Variants in RIPK4 observed in about 807,000 individuals in gnomAD.
RIPK4 encodes the protein receptor-interacting serine/threonine-protein kinase 4.
RIPK4 carries 17 observed loss-of-function variants against 42.9 expected under a neutral mutation model. The observed-to-expected ratio is 0.40, with a 90% CI of 0.27 to 0.59. The LOEUF (loss-of-function observed/expected upper bound fraction) is 0.59. Ranked by LOEUF, RIPK4 falls within the 20% of genes least tolerant of loss-of-function variation. The pLI, the probability that RIPK4 is intolerant of heterozygous loss-of-function variation, is 0.47. For synonymous variants in RIPK4, 498 were observed against 499.1 expected, an observed-to-expected ratio of 1.00 and a Z score of 0.03; for missense variants, 897 against 1,104.4, an observed-to-expected ratio of 0.81 and a Z score of 2.66.
intron 5 of RIPK4, chr21:41,746,264 G>A: frequency 1.7e-6 from 1 of 579,418 alleles, no homozygotes; most frequent in South Asian, 1.8e-5. Flanking sequence ...AACTCCTCAA[G>A]AGAAGGGCGA....
At chr21:41,765,044 C>T (rs2061231937) in intron 1 of RIPK4, among the ~76,000 whole-genome samples, 1 of 152,350 alleles carries the variant, frequency 6.6e-6, no homozygotes, top group East Asian at 1.9e-4. Context: ...GAAAGCCTCC[C>T]TCCAACCAGG....
In RIPK4 at chr21:41,766,990, C is replaced by A; in HGVS notation, c.52G>T (p.Asp18Tyr). The A allele has an allele frequency of 1.2e-5, 20 of 1,603,620 alleles. No individual in the cohort carries two copies. The highest frequency in any genetic ancestry group is 1.7e-5 in the Non-Finnish European group (20 of 1,176,258). ...PWALALLRTF[D>Y]AGEFTGWEKV... ...TCCCAGCCCGTGAACTCGCCCGCGT[C>A]GAAGGTGCGCAGCAGCGCCAGGGCC... The change falls in exon 1 of 8, where the codon GAC (aspartate) becomes TAC (tyrosine). Residue 18 changes from aspartate to tyrosine, a missense_variant. Physicochemically the swap from Asp to Tyr is radical, Grantham distance 160 (BLOSUM62 -3). Coordinates refer to ENST00000332512, the MANE Select transcript of RIPK4 (RefSeq NM_020639.3).
Position 41,746,620 on chromosome 21 carries a change from G to A in RIPK4, c.825C>T (p.Thr275=), listed in dbSNP as rs559048535. 5 of 1,609,844 alleles carry A rather than the reference G, an allele frequency of 3.1e-6. No individual in the cohort carries two copies. The East Asian group carries it at 8.9e-5, about 29-fold the overall frequency. The change falls in exon 5 of 8, where the codon ACC becomes ACT. Residue 275 remains threonine, a synonymous_variant. Transcript: ENST00000332512. ...CWQGDPRVRP[T]FQEITSETED... is the part of the protein sequence containing the mutation. ...AGACCCCGGGGTGCTCACCTTGGAAGGTGGGCCTAACTCGCGGATCCCCCT... is the reference window on the plus strand; with the variant it reads ...AGACCCCGGGGTGCTCACCTTGGAAAGTGGGCCTAACTCGCGGATCCCCCT...
At chr21:41,746,426 G>A (rs1370619312) in intron 5 of RIPK4, among the ~76,000 whole-genome samples, 187 bp downstream of exon 5, 1 of 152,148 alleles carries the variant, frequency 6.6e-6, no homozygotes, top group Non-Finnish European at 1.5e-5. Context: ...AGCTGCCGTG[G>A]CCGAGCCGTG....
rs1297707035 is a variant in RIPK4, at chr21:41,741,274, G to A, written c.1919C>T (p.Pro640Leu). The change falls in exon 8 of 8, where the codon CCC becomes CTC. Residue 640 changes from proline to leucine, a missense_variant. Coordinates refer to ENST00000332512, the MANE Select transcript of RIPK4 (RefSeq NM_020639.3). ...CCCCGTCTCCGCGGCCACGTGCAGG[G>A]GTGTCTGTGCCAGCAGGCTGCAGAC... is the stretch of plus-strand genomic sequence containing the variant. ...VNVCSLLAQTPLHVAAETGHT... is the reference protein window; with the variant it reads ...VNVCSLLAQTLLHVAAETGHT... The A allele has an allele frequency of 1.2e-6, 2 of 1,608,450 alleles. No homozygotes were observed. Among genetic ancestry groups the A allele is most frequent in the East Asian group, 2.2e-5 (1 of 44,854 alleles).
At position 41,744,077 on chromosome 21, in the gene RIPK4, C is replaced by T. The variant is rs935404461; in HGVS notation, c.1000G>A (p.Glu334Lys). The T allele has an allele frequency of 5.6e-6, 9 of 1,611,752 alleles. No individual in the cohort carries two copies. Among genetic ancestry groups the T allele is most frequent in the East Asian group, 4.5e-5 (2 of 44,852 alleles). ...CCAGAGTCCAGCTGTGAGAGCAGCT[C>T]GGAGAGGCTGTAGTCGTTATCGAAG... ...PTFDNDYSLS[E>K]LLSQLDSGVS... is the part of the protein sequence containing the mutation. Residue 334 changes from glutamate to lysine, a missense_variant, in exon 7 of 8, where the codon GAG becomes AAG. Transcript: ENST00000332512.
chr21:41,751,116 T>A lies in RIPK4; in HGVS notation c.604A>T (p.Thr202Ser), dbSNP rs761381392. The change falls in exon 3 of 8, where the codon ACC becomes TCC. Residue 202 changes from threonine to serine, a missense_variant. Physicochemically the swap from Thr to Ser is moderately conservative, Grantham distance 58. Coordinates refer to ENST00000332512, the MANE Select transcript of RIPK4 (RefSeq NM_020639.3). The surrounding 1 kb of genome is among the most constrained non-coding windows in gnomAD (Gnocchi z 4.5). ...RIREKSRLFD[T>S]KHDVYSFAIV... ...ACACACCTGTATACATCGTGCTTGG[T>A]GTCGAAGAGCCGGCTCTTCTCCCTG... is the stretch of plus-strand genomic sequence containing the variant. 6 of 1,614,080 alleles carry A rather than the reference T, an allele frequency of 3.7e-6. No homozygotes were observed. The highest frequency in any genetic ancestry group is 5.1e-6 in the Non-Finnish European group (6 of 1,180,000).
rs1358942683 is a variant in RIPK4 at position 41,756,440 on chromosome 21, C to T, written c.474+85G>A. The T allele has an allele frequency of 2.7e-6, 4 of 1,508,104 alleles. No individual in the cohort carries two copies. In the Admixed American group the frequency reaches 5.4e-5, roughly 20 times the overall value. 93.4% of individuals were successfully genotyped at this position (1,508,104 alleles called of 1,614,324 possible). A position where few individuals can be genotyped will look rare whatever the true frequency, so the allele number is the denominator to read the frequency against. The stretch of plus-strand genomic sequence containing the variant: ...CCTCCTCTTCTGCCCTTGTCCTGAC[C>T]TCAGGGCTTGACCCCTTGATACCCT... On this transcript the variant is annotated intron_variant, in intron 2 of 7. Transcript: ENST00000332512.
intron 4 of RIPK4, 44 bp from the exon 5 acceptor site, chr21:41,746,815 T>G (rs1204583735): frequency 3.3e-6 from 5 of 1,533,630 alleles, no homozygotes; most frequent in Admixed American, 3.8e-5. Context: ...CAGGGCTGGG[T>G]GGCAGCATCT....
chr21:41,765,273 G>A (rs1471510286), intron 1 of RIPK4, among the ~76,000 whole-genome samples: 1 of 152,198 alleles, frequency 6.6e-6, no homozygotes, highest in Non-Finnish European at 1.5e-5. Flanking sequence ...ACCACTGGCT[G>A]GTATTCAAAG....
In RIPK4 at chr21:41,741,073, A is replaced by T. The variant is rs2061151439; in HGVS notation, c.2120T>A (p.Leu707Gln). ...LARGPLNQTA[L>Q]HLAAAHGHSE... ...GTGCCCGTGGGCGGCAGCCAGGTGC[A>T]GCGCCGTCTGGTTCAGGGGTCCCCG... Residue 707 changes from leucine to glutamine, a missense_variant, in exon 8 of 8, where the codon CTG becomes CAG. By Grantham distance (113) the Leu-to-Gln change is moderately radical (BLOSUM62 -2). Transcript: ENST00000332512. 6.2e-6 allele frequency: 10 copies of T among 1,611,430 alleles called. No homozygotes were observed. Among genetic ancestry groups the T allele is most frequent in the Non-Finnish European group, 8.5e-6 (10 of 1,179,682 alleles).
intron 1 of RIPK4, among the ~76,000 whole-genome samples, chr21:41,758,485 G>T (rs1449025943): frequency 6.6e-6 from 1 of 152,120 alleles, no homozygotes; most frequent in African/African-American, 2.4e-5. Flanking sequence ...CCACCTTTTG[G>T]CTCTCGTGGA....
chr21:41,755,270 G>A lies in RIPK4; in HGVS notation c.474+1255C>T, dbSNP rs1340716790. 6.6e-6 allele frequency among the ~76,000 whole-genome samples: 1 copy of A among 152,112 alleles called. No individual in the cohort carries two copies. The highest frequency in any genetic ancestry group is 2.4e-5 in the African/African-American group (1 of 41,410). ...TTATCTCAATTTCCTACTTCACTTC[G>A]CAGGACGGTGCTTCATCTTCTAGCT... is the stretch of plus-strand genomic sequence containing the variant. On this transcript the variant is annotated intron_variant, in intron 2 of 7. Coordinates refer to ENST00000332512, the MANE Select transcript of RIPK4 (RefSeq NM_020639.3). This position sits in a 1 kb window ranked among gnomAD's most constrained non-coding sequence, Gnocchi z 4.2.
intron 4 of RIPK4, among the ~76,000 whole-genome samples, chr21:41,748,249 GCA>G (rs1453708473): frequency 6.6e-6 from 1 of 152,212 alleles, no homozygotes; most frequent in Non-Finnish European, 1.5e-5. Flanking sequence ...TCTCACCCCA[GCA>G]CTTTCCCATA....
At position 41,749,194 on chromosome 21, in the gene RIPK4, G is replaced by T. The variant is rs747433560; in HGVS notation, c.633C>A (p.Ile211=). Residue 211 remains isoleucine (I), a synonymous_variant, in exon 4 of 8, where the codon ATC becomes ATA. Transcript: ENST00000332512. ...DTKHDVYSFA[I]VIWGVLTQKK... ...TCTGTGTGAGCACGCCCCAGATGAC[G>T]ATCGCAAAGCTGGAAGAGAAACCAG... The T allele has an allele frequency of 8.7e-6, 14 of 1,613,808 alleles. No homozygotes were observed. The highest frequency in any genetic ancestry group is 4.5e-5 in the East Asian group (2 of 44,868).
intron 1 of RIPK4, among the ~76,000 whole-genome samples, chr21:41,763,355 T>C (rs1208599144): frequency 6.6e-6 from 1 of 151,904 alleles, no homozygotes; most frequent in Non-Finnish European, 1.5e-5. Flanking sequence ...TCTAAAGAAG[T>C]CCCAAGGTTC....
intron 1 of RIPK4, among the ~76,000 whole-genome samples, chr21:41,760,143 T>C (rs1162645196): frequency 1.3e-5 from 2 of 152,226 alleles, no homozygotes; most frequent in Non-Finnish European, 2.9e-5. Flanking sequence ...CGGTGCCAAG[T>C]TGAATAACCC....
At chr21:41,760,296 C>A (rs1479394264) in intron 1 of RIPK4, among the ~76,000 whole-genome samples, 1 of 152,216 alleles carries the variant, frequency 6.6e-6, no homozygotes, top group Non-Finnish European at 1.5e-5. Flanking sequence ...CACCATATGT[C>A]AGAACTAAGG....
chr21:41,765,891 G>C (rs538257940), intron 1 of RIPK4, among the ~76,000 whole-genome samples: 10 of 152,210 alleles, frequency 6.6e-5, no homozygotes, highest in Non-Finnish European at 1.3e-4. Context: ...ACAACAAAGA[G>C]GTACTGTTCA....
Sources: allele counts gnomAD v4.1 joint callset (sites outside exome capture counted in the v4.1 genomes callset), GRCh38; gene constraint gnomAD v4.1.1; non-coding constraint Gnocchi (gnomAD v3.1); transcripts MANE v1.5; gene names NCBI Gene and HGNC (gene_info 2026-07-23, HGNC 2026-07-21).